The following UBXN7 variants were observed in gnomAD, a reference collection of about 807,000 sequenced individuals.
UBXN7 encodes the protein UBX domain protein 7, also known as UBX domain-containing protein 7.
UBXN7 carries 9 observed loss-of-function variants against 58.0 expected under a neutral mutation model. The ratio of observed to expected loss-of-function variants is 0.16; its 90% CI spans 0.09 to 0.27. The LOEUF (loss-of-function observed/expected upper bound fraction) is 0.27. Among genes scored for constraint, UBXN7 ranks in the 10% least tolerant of loss-of-function variants. The pLI, the probability that UBXN7 is intolerant of heterozygous loss-of-function variation, is 1.00. For missense variants in UBXN7, 328 were observed against 599.6 expected (o/e 0.55, Z 4.73); for synonymous variants, 208 against 205.0 (o/e 1.01, Z -0.12).
chr3:196,381,943 AAG>A (rs1729220757), intron 5 of UBXN7, among the ~76,000 whole-genome samples: 1 of 152,226 alleles, frequency 6.6e-6, no homozygotes. Context: ...TTAGAGAAAA[AAG>A]AGTAAAAAGA....
chr3:196,368,533 A>C (rs1560220804), intron 7 of UBXN7, among the ~76,000 whole-genome samples: 1 of 152,166 alleles, frequency 6.6e-6, no homozygotes, highest in Non-Finnish European at 1.5e-5. Context: ...CACATGCATA[A>C]AGTGTACTGT....
Position 196,364,935 on chromosome 3 carries a change from T to C in UBXN7, c.835-2248A>G, listed in dbSNP as rs560007873. 5.7e-4 allele frequency among the ~76,000 whole-genome samples: 87 copies of C among 152,258 alleles called. 1 individual carries two copies. The highest frequency in any genetic ancestry group is 6.8e-3 in the Middle Eastern group (2 of 294). On this transcript the variant is annotated intron_variant, in intron 8 of 10. Coordinates refer to ENST00000296328, the MANE Select transcript of UBXN7 (RefSeq NM_015562.2). The stretch of plus-strand genomic sequence containing the variant: ...AGCAAGTAGAGGTGTCTATGTGACA[T>C]GCAATGGCTTAGGTGGATTGTAAAT...
chr3:196,368,702 C>A (rs1728736975), intron 7 of UBXN7, among the ~76,000 whole-genome samples: 1 of 152,172 alleles, frequency 6.6e-6, no homozygotes, highest in Non-Finnish European at 1.5e-5. Flanking sequence ...GAGATTCAGA[C>A]AAAGCAATAT....
rs912118930 is a variant in UBXN7, at chr3:196,351,170, T to C, written c.*5515A>G. Reference sequence around the variant, plus strand: ...TTTTAAGTCAGCCTAATTGTATCTTTAAAAAGCTGTTTCTGCCAAAACCAG... The same window carrying C: ...TTTTAAGTCAGCCTAATTGTATCTTCAAAAAGCTGTTTCTGCCAAAACCAG... On this transcript the variant is annotated 3_prime_UTR_variant, in exon 11 of 11. Coordinates refer to ENST00000296328, the MANE Select transcript of UBXN7 (RefSeq NM_015562.2). 6.6e-6 allele frequency: 1 copy of C among 152,224 alleles called. No homozygotes were observed. Among genetic ancestry groups the C allele is most frequent in the African/African-American group, 2.4e-5 (1 of 41,446 alleles). 9.4% of individuals were successfully genotyped at this position (152,224 alleles called of 1,614,324 possible).
chr3:196,359,246 T>C lies in UBXN7; in HGVS notation c.1309-2400A>G, dbSNP rs902299074. 4.6e-5 allele frequency among the ~76,000 whole-genome samples: 7 copies of C among 152,196 alleles called. No homozygotes were observed. In the East Asian group the frequency reaches 1.3e-3, roughly 29 times the overall value. ...ACCTTTGATGTTACTATTCTGCTTTTGGGCACCACAAACCACGCCCACACA... is the reference window on the plus strand; with the variant it reads ...ACCTTTGATGTTACTATTCTGCTTTCGGGCACCACAAACCACGCCCACACA... On this transcript the variant is annotated intron_variant, in intron 10 of 10. Transcript: ENST00000296328.
At chr3:196,432,242 T>C (rs1045258447) in intron 1 of UBXN7, 85 bp downstream of exon 1, 7 of 1,551,962 alleles carry the variant, frequency 4.5e-6, no homozygotes, top group Middle Eastern at 1.7e-4. Flanking sequence ...GAAGGAGGAA[T>C]GCCTGAAGGT....
Position 196,354,539 on chromosome 3 carries a change from CTT to C in UBXN7, c.*2144_*2145del, listed in dbSNP as rs994119117. On this transcript the variant is annotated 3_prime_UTR_variant, in exon 11 of 11. Coordinates refer to ENST00000296328, the MANE Select transcript of UBXN7 (RefSeq NM_015562.2). ...AGAGCACAAAGCTGAGCAAACCTCT[CTT>C]CTTACCCTGTGCCCTCCCTGAATTT... 2 of 152,266 alleles carry C rather than the reference CTT, an allele frequency of 1.3e-5. No individual in the cohort carries two copies. The highest frequency in any genetic ancestry group is 2.4e-5 in the African/African-American group (1 of 41,460). 9.4% of individuals were successfully genotyped at this position (152,266 alleles called of 1,614,324 possible).
intron 5 of UBXN7, among the ~76,000 whole-genome samples, chr3:196,376,256 T>C (rs950857245): frequency 2.6e-5 from 4 of 151,834 alleles, no homozygotes; most frequent in African/African-American, 9.7e-5. Context: ...AAAAATGTTA[T>C]ATATTGCCAG....
At chr3:196,386,564 C>T (rs141823355) in intron 5 of UBXN7, among the ~76,000 whole-genome samples, 1 of 152,036 alleles carries the variant, frequency 6.6e-6, no homozygotes, top group Non-Finnish European at 1.5e-5. Context: ...CATTCCTATA[C>T]ACCATTAACA....
intron 1 of UBXN7, chr3:196,414,584 T>G (rs1730424190): frequency 1.3e-5 from 2 of 152,220 alleles, no homozygotes; most frequent in Non-Finnish European, 2.9e-5. Context: ...TGGTAGGACT[T>G]TATAAAACCC....
Position 196,379,558 on chromosome 3 carries a change from C to T in UBXN7, c.469-7516G>A, listed in dbSNP as rs116412474. Among the ~76,000 whole-genome samples the T allele has an allele frequency of 9.1e-4, 138 of 152,320 alleles. 2 individuals are homozygous for T. The highest frequency in any genetic ancestry group is 3.2e-3 in the African/African-American group (132 of 41,576). ...GAAAAAGATTCAACTTCCGTAACTT[C>T]TTCATGCTTAATAGGGACGATGGTA... On this transcript the variant is annotated intron_variant, in intron 5 of 10. Coordinates refer to ENST00000296328, the MANE Select transcript of UBXN7 (RefSeq NM_015562.2).
chr3:196,431,652 AG>A, intron 1 of UBXN7: 3 of 208,096 alleles, frequency 1.4e-5, no homozygotes, highest in South Asian at 9.3e-5. Flanking sequence ...GGATTCTTCC[AG>A]GCCTCCCCTA....
chr3:196,432,108 A>C, intron 1 of UBXN7: 1 of 676,300 alleles, frequency 1.5e-6, no homozygotes, highest in Non-Finnish European at 2.6e-6. Flanking sequence ...CCTCCACGCT[A>C]CTAGGAGACA....
At chr3:196,391,989 A>C in intron 4 of UBXN7, 64 bp from the exon 5 acceptor site, 1 of 800,154 alleles carries the variant, frequency 1.2e-6, no homozygotes, top group South Asian at 1.7e-5. Context: ...AAAAAAAAAA[A>C]AAAAAAAACA....
At chr3:196,415,184 C>G (rs557897671) in intron 1 of UBXN7, among the ~76,000 whole-genome samples, 1 of 141,238 alleles carries the variant, frequency 7.1e-6, no homozygotes, top group East Asian at 2.1e-4. Context: ...GACAGAGTCT[C>G]GTTCTGTTGC....
At chr3:196,396,133 T>G (rs1363945943) in intron 3 of UBXN7, among the ~76,000 whole-genome samples, 1 of 150,436 alleles carries the variant, frequency 6.6e-6, no homozygotes, top group Non-Finnish European at 1.5e-5. Flanking sequence ...CCCTCCTTTC[T>G]TCATTTCTAT....
At position 196,388,060 on chromosome 3, in the gene UBXN7, T is replaced by C. The variant is rs550387969; in HGVS notation, c.468+3753A>G. Among the ~76,000 whole-genome samples, 167 of 152,130 alleles carry C rather than the reference T, an allele frequency of 1.1e-3. No homozygotes were observed. In the Middle Eastern group the frequency reaches 0.027, roughly 25 times the overall value. The stretch of plus-strand genomic sequence containing the variant: ...AACCAACCCAAATGTCCATCAATGA[T>C]AGACTGCATTAAGAAAATGTGGCAC... On this transcript the variant is annotated intron_variant, in intron 5 of 10. Transcript: ENST00000296328.
chr3:196,373,062 T>C (rs76018693), intron 5 of UBXN7, among the ~76,000 whole-genome samples: 1 of 152,354 alleles, frequency 6.6e-6, no homozygotes, highest in South Asian at 2.1e-4. Flanking sequence ...ATTATACTTC[T>C]TTTTAATGAA....
Position 196,356,603 on chromosome 3 carries a change from G to A in UBXN7, c.*82C>T, listed in dbSNP as rs1349868684. 4.7e-6 allele frequency: 7 copies of A among 1,499,132 alleles called. No homozygotes were observed. In the South Asian group the frequency reaches 5.6e-5, roughly 12 times the overall value. The allele number at this position is 1,499,132 out of a possible 1,614,324, so 92.9% of individuals were successfully genotyped here. A position where few individuals can be genotyped will look rare whatever the true frequency, so the allele number is the denominator to read the frequency against. Reference sequence around the variant, plus strand: ...CCCAACTTTGGCTCTGTGGTCCTATGAGCCAAAATGCATACTTAGTGACAT... The same window carrying A: ...CCCAACTTTGGCTCTGTGGTCCTATAAGCCAAAATGCATACTTAGTGACAT... On this transcript the variant is annotated 3_prime_UTR_variant, in exon 11 of 11. Coordinates refer to ENST00000296328, the MANE Select transcript of UBXN7 (RefSeq NM_015562.2).
Sources: gnomAD v4.1 joint callset for allele counts (sites outside exome capture counted in the v4.1 genomes callset) on GRCh38, gnomAD v4.1.1 for gene constraint, MANE v1.5 for transcripts, NCBI Gene and HGNC (gene_info 2026-07-23, HGNC 2026-07-21) for gene names.